Variants in DIP2C observed in about 807,000 individuals in gnomAD.
DIP2C encodes the protein disco-interacting protein 2 homolog C.
In DIP2C, 33 loss-of-function variants were observed where a neutral mutation model predicts 192.4. The observed-to-expected ratio is 0.17, with a 90% confidence interval of 0.13 to 0.23. The LOEUF (loss-of-function observed/expected upper bound fraction) is 0.23, where lower values mean the gene tolerates loss of function less well. Among genes scored for constraint, DIP2C ranks in the 10% least tolerant of loss-of-function variants. The pLI is 1.00. For missense variants in DIP2C, 1,537 were observed against 2,110.1 expected (o/e 0.73, Z 5.32); for synonymous variants, 979 against 864.1 (o/e 1.13, Z -2.33).
intron 1 of DIP2C, among the ~76,000 whole-genome samples, chr10:492,454 A>G (rs1844514662): frequency 6.6e-6 from 1 of 152,214 alleles, no homozygotes; most frequent in Admixed American, 6.5e-5. Flanking sequence ...AAATTCCATA[A>G]AGATCTTTTA....
chr10:487,917 T>C (rs1370017873), intron 1 of DIP2C, among the ~76,000 whole-genome samples: 1 of 152,128 alleles, frequency 6.6e-6, no homozygotes, highest in Non-Finnish European at 1.5e-5. Context: ...AAAGGACAAT[T>C]TCTGCAGAAA....
intron 17 of DIP2C, among the ~76,000 whole-genome samples, chr10:374,490 A>ACAGGGG (rs1211920476): frequency 5.3e-5 from 8 of 152,208 alleles, no homozygotes; most frequent in Admixed American, 5.2e-4. Flanking sequence ...TGTTTAGCAG[A>ACAGGGG]CAGGGGCAGG....
Position 653,346 on chromosome 10 carries a change from G to T in DIP2C, c.85+36148C>A, listed in dbSNP as rs141023328. ...GCCTGTAATCCCAGCTACTCGGGAG[G>T]CTGAGACACAAGAACTGCTTGAACC... On this transcript the variant is annotated intron_variant, in intron 1 of 36. Coordinates refer to ENST00000280886, the MANE Select transcript of DIP2C (RefSeq NM_014974.3). 2.0e-3 allele frequency among the ~76,000 whole-genome samples: 312 copies of T among 152,260 alleles called. 2 individuals carry two copies. Among genetic ancestry groups the T allele is most frequent in the African/African-American group, 7.2e-3 (298 of 41,534 alleles).
At chr10:576,479 A>G (rs1233204807) in intron 1 of DIP2C, among the ~76,000 whole-genome samples, 1 of 152,246 alleles carries the variant, frequency 6.6e-6, no homozygotes, top group Non-Finnish European at 1.5e-5. Flanking sequence ...TCCTTCAGAA[A>G]CAATGCCCAC....
intron 4 of DIP2C, among the ~76,000 whole-genome samples, chr10:423,879 C>T (rs1966387144): frequency 1.3e-5 from 2 of 152,234 alleles, no homozygotes; most frequent in Non-Finnish European, 2.9e-5. Context: ...TCACATTTTA[C>T]ACTCAAATCA....
intron 4 of DIP2C, among the ~76,000 whole-genome samples, chr10:429,100 A>T (rs748944716): frequency 3.9e-5 from 6 of 152,156 alleles, no homozygotes; most frequent in Non-Finnish European, 8.8e-5. Flanking sequence ...GGTGTCGTAC[A>T]ATATATGGGT....
intron 1 of DIP2C, among the ~76,000 whole-genome samples, chr10:590,160 G>T (rs758595675): frequency 1.3e-5 from 2 of 152,224 alleles, no homozygotes; most frequent in Non-Finnish European, 2.9e-5. Context: ...CCGGAGTCAC[G>T]GCCTGAGCCC....
intron 1 of DIP2C, among the ~76,000 whole-genome samples, chr10:600,375 G>C (rs777367638): frequency 1.3e-5 from 2 of 152,152 alleles, no homozygotes; most frequent in Non-Finnish European, 1.5e-5. Flanking sequence ...GTGTCCCAAA[G>C]CCTGAATGTG....
chr10:511,462 C>CT (rs1428739005), intron 1 of DIP2C, among the ~76,000 whole-genome samples: 1 of 152,232 alleles, frequency 6.6e-6, no homozygotes, highest in African/African-American at 2.4e-5. Flanking sequence ...CAAGGTGCTA[C>CT]TAGTGCCTTA....
At chr10:688,985 T>A (rs1616950) in intron 1 of DIP2C, among the ~76,000 whole-genome samples, 136,332 of 152,168 alleles carry the variant, frequency 0.9, 61,838 homozygotes, top group South Asian at 0.97. Context: ...CATTGAAATC[T>A]GGCCGGGCGT....
chr10:541,298 T>C (rs901216084), intron 1 of DIP2C, among the ~76,000 whole-genome samples: 1 of 152,106 alleles, frequency 6.6e-6, no homozygotes, highest in African/African-American at 2.4e-5. Flanking sequence ...GTGCACAGGT[T>C]AAATGTCAAA....
rs34390976 is a variant in DIP2C, at chr10:393,778, CA to C, written c.1261-2916del. 1.2e-3 allele frequency among the ~76,000 whole-genome samples: 78 copies of C among 66,718 alleles called. No individual in the cohort carries two copies. The South Asian group carries it at 0.015, about 12-fold the overall frequency. 43.8% of individuals were successfully genotyped at this position (66,718 alleles called of 152,430 possible). A position where few individuals can be genotyped will look rare whatever the true frequency, so the allele number is the denominator to read the frequency against. ...TGGGTGACAGAGCGAGACTCCGTCT[CA>C]AAAAAAAAAAAAAAAAAGAAAAAAA... On this transcript the variant is annotated intron_variant, in intron 10 of 36. Transcript: ENST00000280886.
chr10:486,411 T>C (rs780775478), intron 2 of DIP2C, 48 bp downstream of exon 2: 1 of 1,509,268 alleles, frequency 6.6e-7, no homozygotes, highest in Non-Finnish European at 8.9e-7. Context: ...TGGCACATAG[T>C]GAATGCGGGA....
At chr10:290,387 C>T (rs1018589288) in intron 32 of DIP2C, among the ~76,000 whole-genome samples, 3 of 152,226 alleles carry the variant, frequency 2.0e-5, no homozygotes, top group African/African-American at 7.2e-5. Flanking sequence ...TATGCTAATT[C>T]AGGACTTGCC....
At chr10:361,550 G>C (rs1434537685) in intron 22 of DIP2C, among the ~76,000 whole-genome samples, 1 of 152,190 alleles carries the variant, frequency 6.6e-6, no homozygotes, top group Non-Finnish European at 1.5e-5. Context: ...ACCAGCTACT[G>C]AACTACTTCC....
intron 18 of DIP2C, among the ~76,000 whole-genome samples, chr10:367,289 C>T (rs1328032864): frequency 4.6e-5 from 7 of 151,964 alleles, no homozygotes; most frequent in East Asian, 3.9e-4. Flanking sequence ...CAGTGGCGGG[C>T]GCCTGTAGTC....
At chr10:589,028 A>G (rs1288577105) in intron 1 of DIP2C, among the ~76,000 whole-genome samples, 1 of 152,182 alleles carries the variant, frequency 6.6e-6, no homozygotes, top group Non-Finnish European at 1.5e-5. Context: ...CAGCCGCTCC[A>G]GCAGGGGTGT....
chr10:569,258 A>G (rs146669807), intron 1 of DIP2C, among the ~76,000 whole-genome samples: 1 of 152,220 alleles, frequency 6.6e-6, no homozygotes, highest in East Asian at 1.9e-4. Flanking sequence ...TGTCAGCTAC[A>G]AAGTGTTTCT....
At chr10:337,505 C>G (rs1051695167) in intron 29 of DIP2C, among the ~76,000 whole-genome samples, 1 of 127,446 alleles carries the variant, frequency 7.8e-6, no homozygotes, top group African/African-American at 3.1e-5. Flanking sequence ...GAGGCCTAGA[C>G]AGTCTGTGTG....
Sources: allele counts gnomAD v4.1 joint callset (sites outside exome capture counted in the v4.1 genomes callset), GRCh38; gene constraint gnomAD v4.1.1; transcripts MANE v1.5; gene names NCBI Gene and HGNC (gene_info 2026-07-23, HGNC 2026-07-21).